Variants in ANAPC11 observed in about 807,000 individuals in gnomAD.
ANAPC11 encodes the protein anaphase-promoting complex subunit 11.
In ANAPC11, 5 loss-of-function variants were observed where a neutral mutation model predicts 11.8. That is an observed-to-expected ratio of 0.42 (90% CI 0.22 to 0.89). The LOEUF (loss-of-function observed/expected upper bound fraction) is 0.89, where lower values mean the gene tolerates loss of function less well. ANAPC11 is among the 40% of genes least tolerant of loss of function. The probability of loss-of-function intolerance (pLI) is 0.28; values close to 1 mark genes in which losing one functional copy is unlikely to be tolerated. For missense variants in ANAPC11, 68 were observed against 112.9 expected, an observed-to-expected ratio of 0.60 and a Z score of 1.80; for synonymous variants, 45 against 41.0, an observed-to-expected ratio of 1.10 and a Z score of -0.38.
chr17:81,890,869 G>A (rs375501029), upstream of ANAPC11: 66 of 1,613,112 alleles, frequency 4.1e-5, no homozygotes, highest in East Asian at 1.0e-3. Context: ...TCAGTCCAGG[G>A]CTTTCCTGAC....
chr17:81,891,589 G>T (rs556107665), upstream of ANAPC11: 2,704 of 1,419,434 alleles, frequency 1.9e-3, 47 homozygotes, highest in African/African-American at 0.038. Flanking sequence ...ATCGGCTCGA[G>T]CCCGCGCGTC....
At chr17:81,899,171 C>A in intron 3 of ANAPC11, 1 of 1,488,168 alleles carries the variant, frequency 6.7e-7, no homozygotes, top group Non-Finnish European at 9.1e-7. Flanking sequence ...CAGGGGTTTC[C>A]AGGCTCTTGG....
chr17:81,899,545 C>G (rs2039866879), intron 3 of ANAPC11: 1 of 1,610,768 alleles, frequency 6.2e-7, no homozygotes. Flanking sequence ...GCCTGTAGGT[C>G]AGACATTGCC....
chr17:81,896,705 G>A (rs2039755077), intron 3 of ANAPC11, among the ~76,000 whole-genome samples: 1 of 149,268 alleles, frequency 6.7e-6, no homozygotes, highest in African/African-American at 2.5e-5. Flanking sequence ...GTCTCACTGT[G>A]TTGCCCAAGC....
chr17:81,891,127 C>A, upstream of ANAPC11: 2 of 609,272 alleles, frequency 3.3e-6, no homozygotes, highest in South Asian at 2.7e-5. Context: ...TCTCAGCCTC[C>A]GGGACCGGAC....
At chr17:81,899,140 C>A in intron 3 of ANAPC11, 1 of 1,260,784 alleles carries the variant, frequency 7.9e-7, no homozygotes, top group Non-Finnish European at 1.1e-6. Flanking sequence ...TTGCTGTGCT[C>A]TGTTGGCAGC....
upstream of ANAPC11, chr17:81,890,808 G>A: frequency 5.6e-6 from 9 of 1,614,108 alleles, no homozygotes; most frequent in Non-Finnish European, 7.6e-6. Flanking sequence ...CACTTGTCGG[G>A]AAGTTGTTTT....
chr17:81,891,149 G>A (rs1182587808), upstream of ANAPC11: 4 of 434,280 alleles, frequency 9.2e-6, no homozygotes, highest in South Asian at 6.5e-5. Context: ...CCGAAAGAAC[G>A]ACCTCGCTCC....
chr17:81,890,867 G>A (rs373239490), upstream of ANAPC11: 6 of 1,613,090 alleles, frequency 3.7e-6, no homozygotes, highest in Admixed American at 5.0e-5. Flanking sequence ...TCTCAGTCCA[G>A]GGCTTTCCTG....
upstream of ANAPC11, chr17:81,891,551 G>A: frequency 7.0e-7 from 1 of 1,438,648 alleles, no homozygotes; most frequent in Non-Finnish European, 9.1e-7. Flanking sequence ...TGTCCATTTT[G>A]TCGGCCATGG....
At chr17:81,891,361 C>T, upstream of ANAPC11, 1 of 1,151,660 alleles carries the variant, frequency 8.7e-7, no homozygotes, top group Non-Finnish European at 1.1e-6. Context: ...CCGCCTCCGC[C>T]GGCCGCGCCG....
upstream of ANAPC11, chr17:81,891,535 G>A (rs1419634192): frequency 1.1e-5 from 16 of 1,435,270 alleles, no homozygotes; most frequent in Admixed American, 3.7e-4. Flanking sequence ...ATGTCGTCCA[G>A]AGACATGTCC....
At chr17:81,894,715 C>CTTTTTTTT (rs529200093) in intron 3 of ANAPC11, 129 bp downstream of exon 3, 4 of 362,522 alleles carry the variant, frequency 1.1e-5, no homozygotes, top group African/African-American at 7.7e-5. Flanking sequence ...GTTTCATTTT[C>CTTTTTTTT]TTTTTTTTTT....
intron 3 of ANAPC11, among the ~76,000 whole-genome samples, chr17:81,895,669 C>G (rs2039717819): frequency 6.6e-6 from 1 of 152,104 alleles, no homozygotes; most frequent in South Asian, 2.1e-4. Context: ...GTAGGCAGAT[C>G]ACAGGGTCAA....
chr17:81,897,658 A>AT (rs954306701), intron 3 of ANAPC11, among the ~76,000 whole-genome samples: 6 of 151,704 alleles, frequency 4.0e-5, no homozygotes, highest in African/African-American at 1.5e-4. Flanking sequence ...TTATTTTTTT[A>AT]TTTTTTGTAG....
chr17:81,894,524 G>C lies in ANAPC11; in HGVS notation c.47G>C (p.Trp16Ser). ...TGGAACGGCGTGGCCACTTGGCTCT[G>C]GGTGGCCAACGATGAGAACTGTGGC... is the stretch of plus-strand genomic sequence containing the variant. Reference protein sequence around the residue: ...KCWNGVATWLWVANDENCGIC... With the variant: ...KCWNGVATWLSVANDENCGIC... The change falls in exon 3 of 4, where the codon TGG (tryptophan) becomes TCG (serine). Residue 16 changes from tryptophan (W) to serine (S), a missense_variant. Coordinates refer to ENST00000344877, the MANE Select transcript of ANAPC11 (RefSeq NM_001002248.3). 1 of 1,613,138 alleles carries C rather than the reference G, an allele frequency of 6.2e-7. No homozygotes were observed.
At chr17:81,896,238 T>A (rs1004458428) in intron 3 of ANAPC11, among the ~76,000 whole-genome samples, 4 of 151,686 alleles carry the variant, frequency 2.6e-5, no homozygotes, top group African/African-American at 9.7e-5. Flanking sequence ...CTGGCCAACA[T>A]GGTAAAATCC....
At chr17:81,891,580 T>G, upstream of ANAPC11, 1 of 1,416,112 alleles carries the variant, frequency 7.1e-7, no homozygotes, top group Non-Finnish European at 9.3e-7. Context: ...GAATCGGGCA[T>G]CGGCTCGAGC....
At chr17:81,895,525 A>G (rs2039710675) in intron 3 of ANAPC11, among the ~76,000 whole-genome samples, 1 of 152,170 alleles carries the variant, frequency 6.6e-6, no homozygotes, top group South Asian at 2.1e-4. Context: ...AGGTCAAGAG[A>G]TGGAGGCCGG....
Sources: gnomAD v4.1 joint callset for allele counts (sites outside exome capture counted in the v4.1 genomes callset) on GRCh38, gnomAD v4.1.1 for gene constraint, MANE v1.5 for transcripts, NCBI Gene and HGNC (gene_info 2026-07-23, HGNC 2026-07-21) for gene names.